DDX39B: variants seen among roughly 807,000 people sequenced by gnomAD.
The protein encoded by DDX39B is DExD-box helicase 39B.
In DDX39B, 6 loss-of-function variants were observed where a neutral mutation model predicts 46.4. The observed-to-expected ratio is 0.13, with a 90% CI of 0.07 to 0.26. The LOEUF (loss-of-function observed/expected upper bound fraction) is 0.26, where lower values mean the gene tolerates loss of function less well. DDX39B is among the 10% of genes least tolerant of loss of function. The pLI, the probability that DDX39B is intolerant of heterozygous loss-of-function variation, is 1.00. For missense variants in DDX39B, 185 were observed against 553.4 expected, an observed-to-expected ratio of 0.33 and a Z score of 6.68; for synonymous variants, 174 against 199.4, an observed-to-expected ratio of 0.87 and a Z score of 1.07.
intron 3 of DDX39B, 135 bp downstream of exon 3, chr6:31,539,012 C>T (rs774516094): frequency 1.3e-6 from 2 of 1,529,132 alleles, no homozygotes; most frequent in Admixed American, 3.3e-5. Flanking sequence ...GAACATCCCC[C>T]ACAGCTGTCA....
intron 7 of DDX39B, chr6:31,532,529 C>T (rs1194573804): frequency 5.0e-6 from 2 of 397,544 alleles, no homozygotes; most frequent in African/African-American, 2.1e-5. Context: ...CATAAGCCAC[C>T]GTGCCTGGCC....
Position 31,534,389 on chromosome 6 carries a change from G to A in DDX39B, c.735+978C>T. 2.4e-6 allele frequency: 1 copy of A among 419,606 alleles called. No homozygotes were observed. Among genetic ancestry groups the A allele is most frequent in the Non-Finnish European group, 4.9e-6 (1 of 205,030 alleles). The allele number at this position is 419,606 out of a possible 1,614,324, so 26.0% of individuals were successfully genotyped here. On this transcript the variant is annotated intron_variant, in intron 6 of 10. Coordinates refer to ENST00000396172, the MANE Select transcript of DDX39B (RefSeq NM_004640.7). The surrounding 1 kb of genome is among the most constrained non-coding windows in gnomAD (Gnocchi z 5.1). ...TAAAGAGTGATCATCCCACGGGAAG[G>A]AACACTGCAGGGAGGGGAAGAACAC...
In DDX39B at chr6:31,534,508, G is replaced by A; in HGVS notation, c.735+859C>T. ...TACCTTTCCTATGTCCCTCTCCTCT[G>A]AGTATTAAAAAAAACAAAAAAATTT... On this transcript the variant is annotated intron_variant, in intron 6 of 10. Transcript: ENST00000396172. This position sits in a 1 kb window ranked among gnomAD's most constrained non-coding sequence, Gnocchi z 5.1. 1 of 470,062 alleles carries A rather than the reference G, an allele frequency of 2.1e-6. No individual in the cohort carries two copies. The highest frequency in any genetic ancestry group is 1.6e-5 in the South Asian group (1 of 64,380). The allele number at this position is 470,062 out of a possible 1,614,324, so 29.1% of individuals were successfully genotyped here.
rs1296199912 is a variant in DDX39B at position 31,534,968 on chromosome 6, T to C, written c.735+399A>G. 2.6e-5 allele frequency: 7 copies of C among 267,278 alleles called. No homozygotes were observed. Among genetic ancestry groups the C allele is most frequent in the Non-Finnish European group, 5.2e-5 (7 of 135,356 alleles). 16.6% of individuals were successfully genotyped at this position (267,278 alleles called of 1,614,324 possible). A position where few individuals can be genotyped will look rare whatever the true frequency, so the allele number is the denominator to read the frequency against. On this transcript the variant is annotated intron_variant, in intron 6 of 10. Transcript: ENST00000396172. This position sits in a 1 kb window ranked among gnomAD's most constrained non-coding sequence, Gnocchi z 5.1. ...TGCCACCGGGAAGTAGGAGTTTTGG[T>C]GAGCAGAAGGCTCCAGCTGTACGCT...
rs922112911 is a variant in DDX39B, at chr6:31,534,399, G to T, written c.735+968C>A. 1.1e-5 allele frequency: 5 copies of T among 454,346 alleles called. No individual in the cohort carries two copies. The highest frequency in any genetic ancestry group is 2.3e-5 in the Non-Finnish European group (5 of 221,034). The allele number at this position is 454,346 out of a possible 1,614,324, so 28.1% of individuals were successfully genotyped here. The stretch of plus-strand genomic sequence containing the variant: ...TCATCCCACGGGAAGGAACACTGCA[G>T]GGAGGGGAAGAACACACTCCACTGC... On this transcript the variant is annotated intron_variant, in intron 6 of 10. Coordinates refer to ENST00000396172, the MANE Select transcript of DDX39B (RefSeq NM_004640.7). The surrounding 1 kb of genome is among the most constrained non-coding windows in gnomAD (Gnocchi z 5.1).
intron 4 of DDX39B, among the ~76,000 whole-genome samples, chr6:31,537,374 C>A (rs535154109): frequency 1.3e-5 from 2 of 151,938 alleles, no homozygotes; most frequent in Non-Finnish European, 2.9e-5. Context: ...TGCAGTGAGG[C>A]GAGATTGAGC....
At chr6:31,538,714 C>G in intron 4 of DDX39B, 49 bp downstream of exon 4, 2 of 1,526,242 alleles carry the variant, frequency 1.3e-6, no homozygotes, top group Non-Finnish European at 1.8e-6. Flanking sequence ...GTTTCTTATC[C>G]CTCCAACTTG....
rs1360034245 is a variant in DDX39B, at chr6:31,540,506, C to T, written c.27G>A (p.Glu9=). The T allele has an allele frequency of 1.9e-6, 3 of 1,614,148 alleles. No homozygotes were observed. Among genetic ancestry groups the T allele is most frequent in the Non-Finnish European group, 2.5e-6 (3 of 1,180,038 alleles). The change falls in exon 2 of 11, where the codon GAG becomes GAA. Residue 9 remains glutamate, a synonymous_variant. Coordinates refer to ENST00000396172, the MANE Select transcript of DDX39B (RefSeq NM_004640.7). MAENDVDN[E]LLDYEDDEVE... ...CCTCATCATCTTCATAGTCCAAGAG[C>T]TCATTGTCCACATCGTTCTCTGCCA...
At chr6:31,541,736 A>G (rs1179660896) in intron 1 of DDX39B, 1 of 616,804 alleles carries the variant, frequency 1.6e-6, no homozygotes, top group Non-Finnish European at 3.1e-6. Flanking sequence ...AATGGCGCCG[A>G]GGACACCATC....
chr6:31,536,926 C>T (rs948786823), intron 4 of DDX39B, among the ~76,000 whole-genome samples: 2 of 152,142 alleles, frequency 1.3e-5, no homozygotes, highest in Non-Finnish European at 2.9e-5. Context: ...CTTAATCTAA[C>T]CAACTTCCTT....
rs748917382 is a variant in DDX39B at position 31,530,476 on chromosome 6, G to C, written c.1271-26C>G. 6.2e-7 allele frequency: 1 copy of C among 1,612,688 alleles called. No individual in the cohort carries two copies. The highest frequency in any genetic ancestry group is 1.1e-5 in the South Asian group (1 of 91,056). On this transcript the variant is annotated intron_variant, in intron 10 of 10. Transcript: ENST00000396172. The surrounding 1 kb of genome is among the most constrained non-coding windows in gnomAD (Gnocchi z 4.5). ...CTGAGAAGAAAACGTAGCATGGTCA[G>C]AATAAGGCATGAAAAGGGGAAAGTG... is the stretch of plus-strand genomic sequence containing the variant.
In DDX39B at chr6:31,531,557, G is replaced by A. The variant is rs1329435324; in HGVS notation, c.868-152C>T. The A allele has an allele frequency of 1.0e-5, 7 of 687,722 alleles. No individual in the cohort carries two copies. In the Admixed American group the frequency reaches 2.1e-4, roughly 21 times the overall value. The allele number at this position is 687,722 out of a possible 1,614,324, so 42.6% of individuals were successfully genotyped here. A position where few individuals can be genotyped will look rare whatever the true frequency, so the allele number is the denominator to read the frequency against. On this transcript the variant is annotated intron_variant, in intron 7 of 10. Coordinates refer to ENST00000396172, the MANE Select transcript of DDX39B (RefSeq NM_004640.7). The surrounding 1 kb of genome is among the most constrained non-coding windows in gnomAD (Gnocchi z 5.8). ...ATTCCCCCACTATATATTTAGAGCA[G>A]AAAAGGAAATATAACTTTACTTCAG...
intron 6 of DDX39B, chr6:31,533,437 A>G (rs1767417091): frequency 6.2e-6 from 1 of 160,426 alleles, no homozygotes; most frequent in Non-Finnish European, 1.4e-5. Context: ...GTCTTTTAAG[A>G]TCAGAATGCT....
chr6:31,535,472 A>G lies in DDX39B; in HGVS notation c.630T>C (p.Asp210=). 1.9e-6 allele frequency: 3 copies of G among 1,612,442 alleles called. No individual in the cohort carries two copies. The highest frequency in any genetic ancestry group is 2.5e-6 in the Non-Finnish European group (3 of 1,179,386). ...KMLEQLDMRR[D]VQEIFRMTPH... ...GGGTCATGCGAAAAATTTCCTGGAC[A>G]TCCCGACGCATGTCTACAAGAACAA... Residue 210 remains aspartate (D), a synonymous_variant, in exon 6 of 11, where the codon GAT becomes GAC. Coordinates refer to ENST00000396172, the MANE Select transcript of DDX39B (RefSeq NM_004640.7). The surrounding 1 kb of genome is among the most constrained non-coding windows in gnomAD (Gnocchi z 4.6).
chr6:31,532,922 G>T lies in DDX39B; in HGVS notation c.736-11C>A. ...GAAGATCTCCATTGGCTGGGGGGGA[G>T]GAAGGGGGTGGGGAACGGGAGGAGG... On this transcript the variant is annotated splice_polypyrimidine_tract_variant and intron_variant, in intron 6 of 10. Coordinates refer to ENST00000396172, the MANE Select transcript of DDX39B (RefSeq NM_004640.7). 1 of 1,243,298 alleles carries T rather than the reference G, an allele frequency of 8.0e-7. No individual in the cohort carries two copies. The highest frequency in any genetic ancestry group is 1.1e-6 in the Non-Finnish European group (1 of 909,112). The allele number at this position is 1,243,298 out of a possible 1,614,324, so 77.0% of individuals were successfully genotyped here.
intron 4 of DDX39B, among the ~76,000 whole-genome samples, chr6:31,538,284 C>G (rs1320460051): frequency 3.3e-5 from 5 of 152,018 alleles, no homozygotes; most frequent in African/African-American, 1.2e-4. Context: ...GCCTCCCAAG[C>G]AGGTGGGACT....
At chr6:31,538,709 T>C in intron 4 of DDX39B, 54 bp downstream of exon 4, 2 of 1,507,572 alleles carry the variant, frequency 1.3e-6, no homozygotes, top group Non-Finnish European at 1.8e-6. Context: ...TACAAGTTTC[T>C]TATCCCTCCA....
At position 31,535,481 on chromosome 6, in the gene DDX39B, C is replaced by A. The variant is rs746746089; in HGVS notation, c.621G>T (p.Met207Ile). 6.2e-7 allele frequency: 1 copy of A among 1,611,302 alleles called. No homozygotes were observed. Among genetic ancestry groups the A allele is most frequent in the Non-Finnish European group, 8.5e-7 (1 of 1,178,588 alleles). Residue 207 changes from methionine to isoleucine, a missense_variant, in exon 6 of 11, where the codon ATG becomes ATT. Physicochemically the swap from Met to Ile is conservative, Grantham distance 10. Around this residue, in one of 5 missense-constraint regions of DDX39B, gnomAD observed 110 missense variants for 282.2 expected, o/e 0.39. Coordinates refer to ENST00000396172, the MANE Select transcript of DDX39B (RefSeq NM_004640.7). This position sits in a 1 kb window ranked among gnomAD's most constrained non-coding sequence, Gnocchi z 4.6. The stretch of plus-strand genomic sequence containing the variant: ...GAAAAATTTCCTGGACATCCCGACG[C>A]ATGTCTACAAGAACAAGGAAAAAAA... ...ECDKMLEQLD[M>I]RRDVQEIFRM...
intron 4 of DDX39B, among the ~76,000 whole-genome samples, chr6:31,537,034 C>G (rs528195868): frequency 5.3e-4 from 81 of 152,296 alleles, no homozygotes; most frequent in South Asian, 3.3e-3. Flanking sequence ...GCACGAGAAC[C>G]TGGGAGGCAG....
Sources: gnomAD v4.1 joint callset for allele counts (sites outside exome capture counted in the v4.1 genomes callset) on GRCh38, gnomAD v4.1.1 for gene constraint, gnomAD v4.1.1 regional missense constraint, Gnocchi (gnomAD v3.1) non-coding constraint, MANE v1.5 for transcripts, NCBI Gene and HGNC (gene_info 2026-07-23, HGNC 2026-07-21) for gene names.